CTNNA2: variants seen among roughly 807,000 people sequenced by gnomAD.
The protein encoded by CTNNA2 is catenin alpha-2.
A neutral mutation model predicts 101.0 loss-of-function variants in CTNNA2; 42 were observed. The observed-to-expected ratio is 0.42, with a 90% CI of 0.32 to 0.54. The LOEUF is 0.54. CTNNA2 is among the 20% of genes least tolerant of loss of function. CTNNA2 has a pLI of 0.14. For synonymous variants in CTNNA2, 450 were observed against 456.4 expected (o/e 0.99, Z 0.18); for missense variants, 871 against 1,223.1 (o/e 0.71, Z 4.29).
intron 2 of CTNNA2, among the ~76,000 whole-genome samples, chr2:79,235,503 A>G (rs560464439): frequency 6.6e-6 from 1 of 152,102 alleles, no homozygotes; most frequent in East Asian, 1.9e-4. Flanking sequence ...CTCCATGCCC[A>G]TATTTCTTTT....
At chr2:79,303,029 T>G (rs914350496) in intron 2 of CTNNA2, among the ~76,000 whole-genome samples, 2 of 152,214 alleles carry the variant, frequency 1.3e-5, no homozygotes, top group African/African-American at 4.8e-5. Flanking sequence ...CAAATGAATC[T>G]GTGCCCAGTC....
chr2:79,759,136 G>C (rs1672599405), intron 3 of CTNNA2, among the ~76,000 whole-genome samples: 2 of 152,100 alleles, frequency 1.3e-5, no homozygotes, highest in Admixed American at 1.3e-4. Context: ...CATAATGCTT[G>C]ACACTGTATG....
At chr2:79,447,894 A>G (rs986440374) in intron 4 of CTNNA2, among the ~76,000 whole-genome samples, 2 of 152,082 alleles carry the variant, frequency 1.3e-5, no homozygotes, top group African/African-American at 4.8e-5. Context: ...GAGGAGGGGC[A>G]AGAAGTTAAA....
chr2:79,688,987 C>T (rs545577792), intron 2 of CTNNA2, among the ~76,000 whole-genome samples: 1 of 151,956 alleles, frequency 6.6e-6, no homozygotes, highest in South Asian at 2.1e-4. Flanking sequence ...GGTAAGAAGA[C>T]TGGAATCATC....
intron 2 of CTNNA2, among the ~76,000 whole-genome samples, chr2:79,226,643 T>G (rs1028128469): frequency 6.6e-6 from 1 of 152,208 alleles, no homozygotes; most frequent in South Asian, 2.1e-4. Flanking sequence ...TTATTTCCCT[T>G]TTTAAAAACA....
At chr2:80,091,751 A>G (rs753681861) in intron 7 of CTNNA2, among the ~76,000 whole-genome samples, 2 of 152,016 alleles carry the variant, frequency 1.3e-5, no homozygotes, top group Non-Finnish European at 2.9e-5. Flanking sequence ...ATGGAGCACG[A>G]AATAGTTTCA....
At chr2:80,089,721 C>T (rs1166150791) in intron 7 of CTNNA2, among the ~76,000 whole-genome samples, 1 of 152,038 alleles carries the variant, frequency 6.6e-6, no homozygotes, top group Non-Finnish European at 1.5e-5. Flanking sequence ...GTATTGTCAG[C>T]AACTTACCAC....
intron 7 of CTNNA2, among the ~76,000 whole-genome samples, chr2:79,949,728 T>C (rs1688750411): frequency 6.6e-6 from 1 of 152,036 alleles, no homozygotes; most frequent in Admixed American, 6.6e-5. Context: ...TAGGGACCCA[T>C]GATCACACCA....
At chr2:80,548,239 A>G (rs577015252) in intron 11 of CTNNA2, among the ~76,000 whole-genome samples, 1 of 152,280 alleles carries the variant, frequency 6.6e-6, no homozygotes, top group South Asian at 2.1e-4. Flanking sequence ...GCCTCAGATC[A>G]CACAGCCATC....
chr2:79,684,458 A>G (rs1464545473), intron 2 of CTNNA2, among the ~76,000 whole-genome samples: 2 of 152,178 alleles, frequency 1.3e-5, no homozygotes, highest in African/African-American at 4.8e-5. Flanking sequence ...AATAACGTGA[A>G]TCAAAACTGA....
At chr2:80,003,240 A>G (rs576676219) in intron 7 of CTNNA2, among the ~76,000 whole-genome samples, 2 of 152,282 alleles carry the variant, frequency 1.3e-5, no homozygotes, top group East Asian at 3.9e-4. Context: ...AGGAGGATTC[A>G]TCTTTACCAT....
At chr2:79,315,419 C>A (rs78773947) in intron 3 of CTNNA2, among the ~76,000 whole-genome samples, 1 of 152,094 alleles carries the variant, frequency 6.6e-6, no homozygotes. Flanking sequence ...CATCTTTATC[C>A]AGCCATAAGC....
At chr2:79,321,864 A>G (rs1312730807) in intron 3 of CTNNA2, among the ~76,000 whole-genome samples, 5 of 152,130 alleles carry the variant, frequency 3.3e-5, no homozygotes, top group African/African-American at 1.2e-4. Flanking sequence ...TTCTCAGAGC[A>G]GTACATGCAT....
chr2:80,232,341 G>GTTTTT (rs1286822049), intron 7 of CTNNA2, among the ~76,000 whole-genome samples: 22 of 82,030 alleles, frequency 2.7e-4, no homozygotes, highest in East Asian at 1.9e-3. Flanking sequence ...TTGTTTGTTT[G>GTTTTT]TTTGTTTTTT....
At chr2:80,614,624 T>G (rs1196178732) in intron 17 of CTNNA2, among the ~76,000 whole-genome samples, 1 of 151,474 alleles carries the variant, frequency 6.6e-6, no homozygotes, top group Non-Finnish European at 1.5e-5. Context: ...ATCCTAATTT[T>G]GACTACTTGT....
chr2:80,060,535 C>T (rs867522713), intron 7 of CTNNA2, among the ~76,000 whole-genome samples: 5 of 152,184 alleles, frequency 3.3e-5, no homozygotes, highest in African/African-American at 1.2e-4. Context: ...TGGCTCCTCG[C>T]GTGCCTACCT....
At chr2:79,894,355 T>G (rs1417056106) in intron 6 of CTNNA2, among the ~76,000 whole-genome samples, 2 of 147,230 alleles carry the variant, frequency 1.4e-5, no homozygotes, top group Non-Finnish European at 3.0e-5. Flanking sequence ...TCCTTCCCTC[T>G]GTATTCCATC....
At chr2:79,798,215 C>T (rs1298697674) in intron 3 of CTNNA2, among the ~76,000 whole-genome samples, 1 of 152,184 alleles carries the variant, frequency 6.6e-6, no homozygotes, top group African/African-American at 2.4e-5. Flanking sequence ...ACTCTTATGT[C>T]TCCACATCAG....
intron 8 of CTNNA2, among the ~76,000 whole-genome samples, chr2:80,407,495 C>T (rs954004803): frequency 1.3e-5 from 2 of 152,178 alleles, no homozygotes; most frequent in Non-Finnish European, 2.9e-5. Context: ...GTATTGACTG[C>T]TTTTGTGCTA....
Sources: gnomAD v4.1 joint callset for allele counts (sites outside exome capture counted in the v4.1 genomes callset) on GRCh38, gnomAD v4.1.1 for gene constraint, MANE v1.5 for transcripts, NCBI Gene and HGNC (gene_info 2026-07-23, HGNC 2026-07-21) for gene names.